TBL1XR1: variants seen among roughly 807,000 people sequenced by gnomAD.
The protein encoded by TBL1XR1 is TBL1X/Y related 1.
In TBL1XR1, 5 loss-of-function variants were observed where a neutral mutation model predicts 66.9. The ratio of observed to expected loss-of-function variants is 0.07; its 90% CI spans 0.04 to 0.16. The LOEUF (loss-of-function observed/expected upper bound fraction) is 0.16. Ranked by LOEUF, TBL1XR1 falls within the 10% of genes least tolerant of loss-of-function variation. TBL1XR1 has a pLI of 1.00. For synonymous variants in TBL1XR1, 210 were observed against 206.0 expected (o/e 1.02, Z -0.17); for missense variants, 238 against 623.2 (o/e 0.38, Z 6.58).
chr3:177,137,230 C>T (rs559190945), intron 1 of TBL1XR1, among the ~76,000 whole-genome samples: 2 of 152,330 alleles, frequency 1.3e-5, no homozygotes, highest in African/African-American at 4.8e-5. Flanking sequence ...TGGTGGCTTG[C>T]GCCTGTAATC....
intron 2 of TBL1XR1, among the ~76,000 whole-genome samples, chr3:177,075,598 G>GT (rs1279959332): frequency 6.6e-6 from 1 of 152,142 alleles, no homozygotes; most frequent in Non-Finnish European, 1.5e-5. Flanking sequence ...GGCTGAAAAA[G>GT]TAACAGATTT....
At position 177,172,635 on chromosome 3, in the gene TBL1XR1, G is replaced by A. The variant is rs1040465308; in HGVS notation, c.-122+24486C>T. 2.6e-5 allele frequency among the ~76,000 whole-genome samples: 3 copies of A among 116,854 alleles called. 1 individual carries two copies. The South Asian group carries it at 1.0e-3, about 40-fold the overall frequency. The allele number at this position is 116,854 out of a possible 152,430, so 76.7% of individuals were successfully genotyped here. Reference sequence around the variant, plus strand: ...GACCCTCATCTCAAGAAAGAGAGAAGAGAGAGAGAGAGAAAGAGAGAGAGA... The same window carrying A: ...GACCCTCATCTCAAGAAAGAGAGAAAAGAGAGAGAGAGAAAGAGAGAGAGA... On this transcript the variant is annotated intron_variant, in intron 1 of 15. Coordinates refer to ENST00000457928, the MANE Select transcript of TBL1XR1 (RefSeq NM_024665.7).
intron 1 of TBL1XR1, among the ~76,000 whole-genome samples, chr3:177,171,745 A>G (rs957512595): frequency 4.0e-5 from 6 of 150,892 alleles, no homozygotes; most frequent in African/African-American, 1.5e-4. Context: ...GTGATTCCGA[A>G]AAAAGAAATC....
intron 1 of TBL1XR1, among the ~76,000 whole-genome samples, chr3:177,116,747 C>A (rs1383415877): frequency 6.6e-6 from 1 of 152,188 alleles, no homozygotes; most frequent in African/African-American, 2.4e-5. Context: ...GTAATGGTAT[C>A]TTCTCTCAGA....
At chr3:177,073,228 T>G (rs1402123308) in intron 2 of TBL1XR1, among the ~76,000 whole-genome samples, 1 of 152,214 alleles carries the variant, frequency 6.6e-6, no homozygotes, top group African/African-American at 2.4e-5. Flanking sequence ...TGAGACCTAT[T>G]GAGTCCCTCA....
intron 1 of TBL1XR1, among the ~76,000 whole-genome samples, chr3:177,125,752 A>G (rs1417745754): frequency 1.3e-5 from 2 of 152,202 alleles, no homozygotes; most frequent in African/African-American, 4.8e-5. Flanking sequence ...CAATTAAAAT[A>G]GCTCATTTAT....
At chr3:177,151,108 C>T (rs926794813) in intron 1 of TBL1XR1, among the ~76,000 whole-genome samples, 10 of 152,100 alleles carry the variant, frequency 6.6e-5, no homozygotes, top group African/African-American at 1.4e-4. Context: ...TAGATAGCAC[C>T]GCTGTGGTGA....
rs769063142 is a variant in TBL1XR1 at position 177,053,848 on chromosome 3, G to C, written c.129C>G (p.Leu43=). ...TAGAAATCAATGCAGCGGGTGGGAC[G>C]AGGGCACCATTTATATTGGACTGAC... is the stretch of plus-strand genomic sequence containing the variant. ...HISQSNINGA[L]VPPAALISII... Residue 43 remains leucine, a synonymous_variant, in exon 4 of 16, where the codon CTC becomes CTG. Transcript: ENST00000457928. 4 of 1,613,532 alleles carry C rather than the reference G, an allele frequency of 2.5e-6. No individual in the cohort carries two copies. In the South Asian group the frequency reaches 4.4e-5, roughly 18 times the overall value.
At chr3:177,179,502 G>C (rs1019089282) in intron 1 of TBL1XR1, among the ~76,000 whole-genome samples, 2 of 152,198 alleles carry the variant, frequency 1.3e-5, no homozygotes. Flanking sequence ...TAAGAGATAA[G>C]TCATGGCATT....
chr3:177,197,663 C>T (rs866510223), upstream of TBL1XR1, among the ~76,000 whole-genome samples: 939 of 30,610 alleles, frequency 0.031, 17 homozygotes, highest in African/African-American at 0.098. Flanking sequence ...GGGGAGGGGC[C>T]GGCGGGGGAG....
At chr3:177,179,294 C>G (rs762879748) in intron 1 of TBL1XR1, among the ~76,000 whole-genome samples, 21 of 152,094 alleles carry the variant, frequency 1.4e-4, no homozygotes, top group Non-Finnish European at 2.1e-4. Flanking sequence ...GTACTTTGAG[C>G]TCGACTATTG....
intron 1 of TBL1XR1, among the ~76,000 whole-genome samples, chr3:177,108,865 AAACAG>A (rs1255912047): frequency 2.0e-5 from 3 of 152,132 alleles, no homozygotes; most frequent in Non-Finnish European, 4.4e-5. Flanking sequence ...AGGAAGGAAG[AAACAG>A]AAAACACTGG....
rs771524437 is a variant in TBL1XR1, at chr3:177,051,600, C to T, written c.331G>A (p.Ala111Thr). The change falls in exon 5 of 16, where the codon GCT becomes ACT. Residue 111 changes from alanine (A) to threonine (T), a missense_variant. Physicochemically the swap from Ala to Thr is moderately conservative, Grantham distance 58. Transcript: ENST00000457928. ...CTGGCTGCAGCTGCGGCAGCTGCAG[C>T]AGCTGCTGCCTGTTGCTGTGCAAGC... The part of the protein sequence containing the change: ...DKLAQQQAAA[A>T]AAAAAAASQQ... The T allele has an allele frequency of 1.2e-6, 2 of 1,613,640 alleles. No homozygotes were observed. Among genetic ancestry groups the T allele is most frequent in the South Asian group, 1.1e-5 (1 of 91,070 alleles).
chr3:177,030,097 T>A (rs1246911355), intron 14 of TBL1XR1, among the ~76,000 whole-genome samples: 1 of 149,790 alleles, frequency 6.7e-6, no homozygotes, highest in Non-Finnish European at 1.5e-5. Context: ...TGCACAGGTG[T>A]GTGTGTGTAT....
chr3:177,175,344 G>T (rs1258042215), intron 1 of TBL1XR1, among the ~76,000 whole-genome samples: 1 of 152,196 alleles, frequency 6.6e-6, no homozygotes, highest in Non-Finnish European at 1.5e-5. Flanking sequence ...TGTGTTTGGT[G>T]ATATTATTTT....
At chr3:177,146,441 C>T (rs1730253409) in intron 1 of TBL1XR1, among the ~76,000 whole-genome samples, 1 of 151,542 alleles carries the variant, frequency 6.6e-6, no homozygotes, top group African/African-American at 2.4e-5. Flanking sequence ...CATCCGTCAC[C>T]ATGCCCAGGT....
At chr3:177,199,095 G>A (rs1017176004), upstream of TBL1XR1, among the ~76,000 whole-genome samples, 5 of 152,152 alleles carry the variant, frequency 3.3e-5, no homozygotes, top group Admixed American at 2.0e-4. Context: ...AAGGGAGTGG[G>A]ATTGGAAACT....
intron 1 of TBL1XR1, chr3:177,194,047 A>C (rs1736510718): frequency 6.6e-6 from 1 of 152,228 alleles, no homozygotes; most frequent in African/African-American, 2.4e-5. Context: ...TTACAGGGCA[A>C]TTAATTGCAC....
chr3:177,198,774 CCTA>C (rs1737244616), upstream of TBL1XR1, among the ~76,000 whole-genome samples: 1 of 151,970 alleles, frequency 6.6e-6, no homozygotes, highest in South Asian at 2.1e-4. Context: ...GTTCTGTTTT[CCTA>C]CTTTCATCAG....
Sources: allele counts gnomAD v4.1 joint callset (sites outside exome capture counted in the v4.1 genomes callset), GRCh38; gene constraint gnomAD v4.1.1; transcripts MANE v1.5; gene names NCBI Gene and HGNC (gene_info 2026-07-23, HGNC 2026-07-21).